Variants in SVIL observed in about 807,000 individuals in gnomAD.
SVIL encodes supervillin, also known as archvillin.
In SVIL, 101 loss-of-function variants were observed where a neutral mutation model predicts 240.4. The observed-to-expected ratio is 0.42, with a 90% CI of 0.36 to 0.50. The LOEUF (loss-of-function observed/expected upper bound fraction) is 0.50, where lower values mean the gene tolerates loss of function less well. Among genes scored for constraint, SVIL ranks in the 20% least tolerant of loss-of-function variants. The pLI is 0.01. For synonymous variants in SVIL, 999 were observed against 1,100.0 expected (o/e 0.91, Z 1.82); for missense variants, 2,512 against 2,818.7 (o/e 0.89, Z 2.46).
At chr10:29,716,969 G>A (rs1247912673) in intron 1 of SVIL, among the ~76,000 whole-genome samples, 2 of 152,156 alleles carry the variant, frequency 1.3e-5, no homozygotes, top group African/African-American at 4.8e-5. Context: ...CGTGGCTCAC[G>A]CCTGTAATCC....
At chr10:29,503,478 A>T (rs1412821989) in intron 17 of SVIL, among the ~76,000 whole-genome samples, 1 of 152,224 alleles carries the variant, frequency 6.6e-6, no homozygotes, top group African/African-American at 2.4e-5. Flanking sequence ...TTCTTCTCTG[A>T]ACCTTTGTAT....
intron 30 of SVIL, among the ~76,000 whole-genome samples, chr10:29,471,507 ATGT>A (rs1945579558): frequency 6.6e-6 from 1 of 152,138 alleles, no homozygotes; most frequent in Non-Finnish European, 1.5e-5. Flanking sequence ...TCTTTACTTA[ATGT>A]TGTTCTGTCA....
chr10:29,607,825 C>T (rs370489986), intron 1 of SVIL, among the ~76,000 whole-genome samples: 1 of 152,200 alleles, frequency 6.6e-6, no homozygotes, highest in Non-Finnish European at 1.5e-5. Context: ...AACCCCTTCA[C>T]GGGCAAGGCT....
At chr10:29,690,434 G>A (rs1193592385) in intron 1 of SVIL, among the ~76,000 whole-genome samples, 1 of 151,958 alleles carries the variant, frequency 6.6e-6, no homozygotes, top group Non-Finnish European at 1.5e-5. Flanking sequence ...ACAAGGATCT[G>A]CTGTTGAATC....
intron 6 of SVIL, among the ~76,000 whole-genome samples, chr10:29,538,387 C>T (rs1243880364): frequency 6.6e-6 from 1 of 152,232 alleles, no homozygotes; most frequent in Admixed American, 6.5e-5. Context: ...CAAAGGACTA[C>T]CACCAGGGTG....
chr10:29,714,383 G>C (rs532247277), intron 1 of SVIL, among the ~76,000 whole-genome samples: 1 of 152,282 alleles, frequency 6.6e-6, no homozygotes, highest in South Asian at 2.1e-4. Context: ...ACAACATGAG[G>C]TGAGGTGAAC....
intron 3 of SVIL, among the ~76,000 whole-genome samples, chr10:29,642,087 C>T (rs1033797991): frequency 6.6e-6 from 1 of 151,980 alleles, no homozygotes; most frequent in African/African-American, 2.4e-5. Flanking sequence ...AATGCCTTTC[C>T]ACCCTTCTCA....
chr10:29,644,801 A>AC (rs969695284), intron 3 of SVIL, among the ~76,000 whole-genome samples: 4 of 152,086 alleles, frequency 2.6e-5, no homozygotes, highest in African/African-American at 9.7e-5. Context: ...GGAACTTCCT[A>AC]CCCTAAGGTT....
intron 1 of SVIL, among the ~76,000 whole-genome samples, chr10:29,580,100 A>G (rs1955874429): frequency 1.3e-5 from 2 of 152,062 alleles, no homozygotes; most frequent in Admixed American, 1.3e-4. Context: ...AGGCCAAGTC[A>G]GGAGGATTGC....
intron 1 of SVIL, among the ~76,000 whole-genome samples, chr10:29,617,318 T>C (rs1247490532): frequency 6.6e-6 from 1 of 152,206 alleles, no homozygotes; most frequent in African/African-American, 2.4e-5. Context: ...TGCAGGCCCC[T>C]GGTCATTGCA....
At chr10:29,660,998 C>G (rs933338371) in intron 2 of SVIL, among the ~76,000 whole-genome samples, 3 of 152,122 alleles carry the variant, frequency 2.0e-5, no homozygotes, top group African/African-American at 7.2e-5. Flanking sequence ...GAAACCCCGT[C>G]TCTACTAAAA....
At chr10:29,608,795 C>T (rs927568940) in intron 1 of SVIL, among the ~76,000 whole-genome samples, 5 of 152,208 alleles carry the variant, frequency 3.3e-5, no homozygotes, top group African/African-American at 1.2e-4. Context: ...CAGTGGGAGG[C>T]AGACAGGTTC....
chr10:29,516,159 T>A (rs1171803309), intron 16 of SVIL, among the ~76,000 whole-genome samples: 7 of 151,820 alleles, frequency 4.6e-5, no homozygotes, highest in South Asian at 2.1e-4. Flanking sequence ...GGCTTTCTTA[T>A]AAGGTTTTTC....
chr10:29,680,005 T>G (rs1204770548), intron 2 of SVIL, among the ~76,000 whole-genome samples: 1 of 151,690 alleles, frequency 6.6e-6, no homozygotes, highest in African/African-American at 2.4e-5. Flanking sequence ...TATAGCGAGA[T>G]CCTATCTCTC....
In SVIL at chr10:29,463,619, G is replaced by A; in HGVS notation, c.6150C>T (p.Asp2050=). The A allele has an allele frequency of 1.2e-6, 2 of 1,614,114 alleles. No homozygotes were observed. Among genetic ancestry groups the A allele is most frequent in the Non-Finnish European group, 1.7e-6 (2 of 1,180,002 alleles). ...GCCAGAGGTACACCTCGTGGTGATTGTCAACAAGGAAAAGTGCTGTGAGGG... is the reference window on the plus strand; with the variant it reads ...GCCAGAGGTACACCTCGTGGTGATTATCAACAAGGAAAAGTGCTGTGAGGG... ...SAPQPALFLV[D]NHHEVYLWQG... is the part of the protein sequence containing the mutation. The change falls in exon 35 of 38, where the codon GAC becomes GAT. Residue 2050 remains aspartate, a synonymous_variant. Transcript: ENST00000355867.
intron 1 of SVIL, among the ~76,000 whole-genome samples, chr10:29,580,475 T>G (rs1171734944): frequency 6.6e-6 from 1 of 152,128 alleles, no homozygotes; most frequent in East Asian, 1.9e-4. Context: ...ACTCCAAAAA[T>G]GGACTGCATT....
chr10:29,733,510 G>T (rs1202126760), intron 1 of SVIL, among the ~76,000 whole-genome samples: 1 of 152,136 alleles, frequency 6.6e-6, no homozygotes, highest in East Asian at 1.9e-4. Context: ...TCACTATGTT[G>T]TCCAGGCTGG....
intron 1 of SVIL, chr10:29,602,336 G>A: frequency 7.6e-6 from 4 of 528,244 alleles, no homozygotes; most frequent in South Asian, 5.7e-5. Flanking sequence ...AAGGGCACAT[G>A]GTACACCTTC....
intron 1 of SVIL, among the ~76,000 whole-genome samples, chr10:29,717,031 C>T (rs1048917951): frequency 2.0e-5 from 3 of 151,966 alleles, no homozygotes; most frequent in African/African-American, 4.8e-5. Context: ...AGATCGAGAC[C>T]ATCCTGGCTA....
Sources: allele counts gnomAD v4.1 joint callset (sites outside exome capture counted in the v4.1 genomes callset), GRCh38; gene constraint gnomAD v4.1.1; transcripts MANE v1.5; gene names NCBI Gene and HGNC (gene_info 2026-07-23, HGNC 2026-07-21).